EPS15: variants seen among roughly 807,000 people sequenced by gnomAD.
The protein encoded by EPS15 is epidermal growth factor receptor pathway substrate 15.
EPS15 carries 72 observed loss-of-function variants against 113.8 expected under a neutral mutation model. That is an observed-to-expected ratio of 0.63 (90% CI 0.52 to 0.77). The LOEUF (loss-of-function observed/expected upper bound fraction) is 0.77, where lower values mean the gene tolerates loss of function less well. Ranked by LOEUF, EPS15 falls within the 30% of genes least tolerant of loss-of-function variation. The pLI is 0.00. For missense variants in EPS15, 1,048 were observed against 1,045.8 expected (o/e 1.00, Z -0.03); for synonymous variants, 344 against 363.4 (o/e 0.95, Z 0.61).
chr1:51,495,938 C>A (rs1410579544), intron 1 of EPS15, among the ~76,000 whole-genome samples: 2 of 152,032 alleles, frequency 1.3e-5, no homozygotes, highest in Non-Finnish European at 2.9e-5. Flanking sequence ...ACAAATGAGA[C>A]CAAAAAATTT....
chr1:51,493,685 C>T (rs1644281394), intron 1 of EPS15, among the ~76,000 whole-genome samples: 2 of 151,420 alleles, frequency 1.3e-5, no homozygotes, highest in Non-Finnish European at 2.9e-5. Flanking sequence ...ATGGCACGAT[C>T]TCGGCTCACT....
chr1:51,361,070 G>C (rs75735499), intron 24 of EPS15, 101 bp downstream of exon 24: 27,986 of 852,030 alleles, frequency 0.033, 672 homozygotes, highest in Middle Eastern at 0.079. Flanking sequence ...TTAGTATCTT[G>C]GTAAATTTAG....
In EPS15 at chr1:51,467,863, T is replaced by C. The variant is rs968346598; in HGVS notation, c.309+610A>G. ...CATCCCTCCCAGGTCCATGGAAAAA[T>C]TGTCTTCCATGAAACCGGTCCCTGG... On this transcript the variant is annotated intron_variant, in intron 5 of 24. Transcript: ENST00000371733. 7.9e-5 allele frequency among the ~76,000 whole-genome samples: 12 copies of C among 152,132 alleles called. No homozygotes were observed. The South Asian group carries it at 8.3e-4, about 11-fold the overall frequency.
chr1:51,373,442 A>C (rs1340934736), intron 21 of EPS15, among the ~76,000 whole-genome samples: 10 of 152,232 alleles, frequency 6.6e-5, no homozygotes, highest in Non-Finnish European at 1.5e-5. Flanking sequence ...GAGAAAAATG[A>C]AGAGAATTCA....
At chr1:51,511,685 A>G (rs1644624221) in intron 1 of EPS15, among the ~76,000 whole-genome samples, 2 of 152,286 alleles carry the variant, frequency 1.3e-5, no homozygotes, top group African/African-American at 4.8e-5. Flanking sequence ...AGCCTCCCAC[A>G]ACAAGAAATT....
intron 1 of EPS15, among the ~76,000 whole-genome samples, chr1:51,499,733 G>A (rs1032489337): frequency 4.6e-5 from 7 of 152,010 alleles, no homozygotes; most frequent in Non-Finnish European, 1.0e-4. Context: ...CTGGCAATTT[G>A]CATATCTTCT....
intron 1 of EPS15, among the ~76,000 whole-genome samples, chr1:51,482,982 T>C (rs1311866069): frequency 2.0e-5 from 3 of 152,220 alleles, no homozygotes; most frequent in East Asian, 3.8e-4. Flanking sequence ...CAGTTTTAGT[T>C]ACCCTCAGTT....
chr1:51,481,419 A>G, intron 1 of EPS15, 105 bp from the exon 2 acceptor site: 1 of 670,384 alleles, frequency 1.5e-6, no homozygotes, highest in East Asian at 2.8e-5. Flanking sequence ...GAATAAGATA[A>G]AATATCCTTG....
chr1:51,388,473 A>G (rs1647155763), intron 21 of EPS15, among the ~76,000 whole-genome samples: 1 of 152,224 alleles, frequency 6.6e-6, no homozygotes, highest in African/African-American at 2.4e-5. Context: ...CTAAAATCAG[A>G]GCAGAACTGA....
chr1:51,394,078 A>G (rs1647664477), intron 21 of EPS15: 1 of 188,080 alleles, frequency 5.3e-6, no homozygotes, highest in Non-Finnish European at 1.1e-5. Context: ...CGTAACAGTC[A>G]ATGCTGACTT....
At chr1:51,500,935 G>C (rs1208752379) in intron 1 of EPS15, among the ~76,000 whole-genome samples, 1 of 150,722 alleles carries the variant, frequency 6.6e-6, no homozygotes, top group Non-Finnish European at 1.5e-5. Flanking sequence ...AGTGAGCCAA[G>C]ATCGAGCCAC....
rs140293103 is a variant in EPS15, at chr1:51,434,699, C to T, written c.1040+5648G>A. On this transcript the variant is annotated intron_variant, in intron 12 of 24. Coordinates refer to ENST00000371733, the MANE Select transcript of EPS15 (RefSeq NM_001981.3). ...TCTTTTTCTTTTTTTGAGACGGAGT[C>T]TCGCACTTGTCTCCCAGGCTGGAGT... 9.2e-3 allele frequency among the ~76,000 whole-genome samples: 1,400 copies of T among 152,222 alleles called. 7 individuals carry two copies. The highest frequency in any genetic ancestry group is 0.017 in the Middle Eastern group (5 of 294).
At chr1:51,451,602 G>A (rs1297087791) in intron 8 of EPS15, among the ~76,000 whole-genome samples, 1 of 151,378 alleles carries the variant, frequency 6.6e-6, no homozygotes, top group African/African-American at 2.4e-5. Flanking sequence ...GAGCAATTGA[G>A]AGCAGGGGTG....
At chr1:51,403,279 TA>T in intron 17 of EPS15, 139 bp downstream of exon 17, 1 of 448,152 alleles carries the variant, frequency 2.2e-6, no homozygotes. Flanking sequence ...CTATATTGCC[TA>T]AAGGTGAAGT....
chr1:51,517,663 T>A (rs2148575173), intron 1 of EPS15, among the ~76,000 whole-genome samples: 1 of 152,306 alleles, frequency 6.6e-6, no homozygotes, highest in African/African-American at 2.4e-5. Flanking sequence ...GTTGTTCAAA[T>A]TTGAGTTTTG....
intron 1 of EPS15, among the ~76,000 whole-genome samples, chr1:51,482,479 T>C (rs985260011): frequency 6.6e-6 from 1 of 152,130 alleles, no homozygotes; most frequent in African/African-American, 2.4e-5. Context: ...TCTGCCATTG[T>C]AGAGTAAAAA....
intron 1 of EPS15, among the ~76,000 whole-genome samples, chr1:51,484,382 C>T (rs560969242): frequency 2.0e-4 from 30 of 151,994 alleles, no homozygotes; most frequent in Admixed American, 5.9e-4. Context: ...GGCAACACAG[C>T]GAGATCTTGT....
chr1:51,471,410 C>T (rs1655227161), intron 4 of EPS15, among the ~76,000 whole-genome samples: 1 of 152,190 alleles, frequency 6.6e-6, no homozygotes, highest in South Asian at 2.1e-4. Context: ...TTCACTTTTA[C>T]TTATAACCCT....
intron 1 of EPS15, among the ~76,000 whole-genome samples, chr1:51,513,286 G>C (rs1285309768): frequency 6.6e-6 from 1 of 152,130 alleles, no homozygotes; most frequent in Admixed American, 6.5e-5. Flanking sequence ...CAAAATAAAT[G>C]TCCAGCATTA....
Sources: gnomAD v4.1 joint callset for allele counts (sites outside exome capture counted in the v4.1 genomes callset) on GRCh38, gnomAD v4.1.1 for gene constraint, MANE v1.5 for transcripts, NCBI Gene and HGNC (gene_info 2026-07-23, HGNC 2026-07-21) for gene names.